Variants in NAV2 observed in about 807,000 individuals in gnomAD.
The protein encoded by NAV2 is neuron navigator 2, also known as helicase, APC down-regulated 1.
In NAV2, 54 loss-of-function variants were observed where a neutral mutation model predicts 223.2. The observed-to-expected ratio is 0.24, with a 90% CI of 0.19 to 0.30. The LOEUF is 0.30. Ranked by LOEUF, NAV2 falls within the 10% of genes least tolerant of loss-of-function variation. The pLI is 1.00. For synonymous variants in NAV2, 1,279 were observed against 1,239.3 expected (o/e 1.03, Z -0.67); for missense variants, 2,806 against 3,147.5 (o/e 0.89, Z 2.60).
At chr11:20,016,442 T>C (rs2054010587) in intron 11 of NAV2, among the ~76,000 whole-genome samples, 1 of 152,262 alleles carries the variant, frequency 6.6e-6, no homozygotes, top group Non-Finnish European at 1.5e-5. Context: ...GGAATATGTG[T>C]GCTTTTACAT....
At chr11:19,769,592 G>C (rs1396315898) in intron 1 of NAV2, among the ~76,000 whole-genome samples, 2 of 152,176 alleles carry the variant, frequency 1.3e-5, no homozygotes, top group Non-Finnish European at 2.9e-5. Flanking sequence ...TCCTGGGCTG[G>C]GTGAAGGAGG....
chr11:19,902,078 C>T (rs1477599980), intron 6 of NAV2, among the ~76,000 whole-genome samples: 2 of 152,162 alleles, frequency 1.3e-5, no homozygotes, highest in African/African-American at 4.8e-5. Context: ...GAGGAGAGCA[C>T]TGTCCTGTTC....
chr11:19,686,109 G>A (rs1033547074), intron 1 of NAV2, among the ~76,000 whole-genome samples: 3 of 151,908 alleles, frequency 2.0e-5, no homozygotes, highest in Non-Finnish European at 4.4e-5. Flanking sequence ...CCCACCCCAG[G>A]GCCTCCTCCT....
At chr11:19,580,294 G>C (rs755959485) in intron 1 of NAV2, among the ~76,000 whole-genome samples, 17 of 152,124 alleles carry the variant, frequency 1.1e-4, no homozygotes, top group Middle Eastern at 3.4e-3. Flanking sequence ...AAAGAACATG[G>C]TGCTTGGGAA....
At chr11:20,044,675 G>A (rs2057272937) in intron 13 of NAV2, among the ~76,000 whole-genome samples, 2 of 152,150 alleles carry the variant, frequency 1.3e-5, no homozygotes, top group Admixed American at 6.5e-5. Context: ...TGGACAGAGG[G>A]TGAAAGATCA....
rs192720116 is a variant in NAV2, at chr11:19,966,071, A to G, written c.2645+16991A>G. On this transcript the variant is annotated intron_variant, in intron 10 of 37. Transcript: ENST00000349880. ...CAAAGGGTACAGTGAACAATGCAGA[A>G]GCTGCCTCACCTTTTATCATCTAGC... 1.2e-4 allele frequency among the ~76,000 whole-genome samples: 19 copies of G among 152,342 alleles called. No individual in the cohort carries two copies. In the East Asian group the frequency reaches 3.7e-3, roughly 29 times the overall value.
At position 20,090,907 on chromosome 11, in the gene NAV2, G is replaced by A; in HGVS notation, c.5541G>A (p.Gln1847=). Reference sequence around the variant, plus strand: ...ATAGTGAAGCTGAGACCGTCATGCAGCTCCGAAATGAGTTAAGAGACAAGG... The same window carrying A: ...ATAGTGAAGCTGAGACCGTCATGCAACTCCGAAATGAGTTAAGAGACAAGG... ...CMDSEAETVM[Q]LRNELRDKEM... Residue 1847 remains glutamine, a synonymous_variant, in exon 27 of 38, where the codon CAG becomes CAA. Coordinates refer to ENST00000349880, the MANE Select transcript of NAV2 (RefSeq NM_145117.5). 6.2e-7 allele frequency: 1 copy of A among 1,614,006 alleles called. No individual in the cohort carries two copies. The highest frequency in any genetic ancestry group is 8.5e-7 in the Non-Finnish European group (1 of 1,179,924).
At chr11:19,610,206 C>T (rs1318849989) in intron 1 of NAV2, among the ~76,000 whole-genome samples, 1 of 152,236 alleles carries the variant, frequency 6.6e-6, no homozygotes, top group African/African-American at 2.4e-5. Flanking sequence ...AATAAATCCC[C>T]TCCTTATTTC....
intron 1 of NAV2, among the ~76,000 whole-genome samples, chr11:19,561,765 G>GT (rs1408233875): frequency 6.6e-6 from 1 of 152,166 alleles, no homozygotes; most frequent in Non-Finnish European, 1.5e-5. Flanking sequence ...CTTGCACTCT[G>GT]TTTTAACCCC....
intron 18 of NAV2, among the ~76,000 whole-genome samples, chr11:20,055,140 G>A (rs1195038943): frequency 6.6e-6 from 1 of 152,192 alleles, no homozygotes; most frequent in Non-Finnish European, 1.5e-5. Flanking sequence ...TTTAAGGATA[G>A]AGGTGGCTTG....
In NAV2 at chr11:19,897,886, T is replaced by TATATATATATATATATATATATA. The variant is rs1555129987; in HGVS notation, c.931+5292_931+5293insATATATATATATATATATATATA. Among the ~76,000 whole-genome samples the TATATATATATATATATATATATA allele has an allele frequency of 2.1e-4, 25 of 120,676 alleles. 1 individual carries two copies. Among genetic ancestry groups the TATATATATATATATATATATATA allele is most frequent in the African/African-American group, 8.4e-4 (25 of 29,678 alleles). 79.2% of individuals were successfully genotyped at this position (120,676 alleles called of 152,430 possible). A position where few individuals can be genotyped will look rare whatever the true frequency, so the allele number is the denominator to read the frequency against. On this transcript the variant is annotated intron_variant, in intron 6 of 37. Transcript: ENST00000349880. ...GCCACAGCTGTGCCTGACCTGTGAT[T>TATATATATATATATATATATATA]TATATATATATATATATATGTGAGC... is the stretch of plus-strand genomic sequence containing the variant.
chr11:19,890,512 T>A (rs2041414582), intron 5 of NAV2, among the ~76,000 whole-genome samples: 1 of 152,186 alleles, frequency 6.6e-6, no homozygotes, highest in Non-Finnish European at 1.5e-5. Flanking sequence ...TACTGTGACC[T>A]GCGTTCCCCT....
chr11:19,594,533 G>A (rs962511927), intron 1 of NAV2, among the ~76,000 whole-genome samples: 4 of 151,872 alleles, frequency 2.6e-5, no homozygotes, highest in Non-Finnish European at 4.4e-5. Context: ...GCACAGTAAC[G>A]AGTCAGGATA....
rs78791134 is a variant in NAV2, at chr11:19,564,306, C to A, written c.75+213279C>A. On this transcript the variant is annotated intron_variant, in intron 1 of 37. Transcript: ENST00000360655. ...GGATCAGCGTTTCTTCTCGAATTTT[C>A]CCCCCACTGTGGACAGGAATATCTG... Among the ~76,000 whole-genome samples the A allele has an allele frequency of 3.4e-4, 52 of 152,308 alleles. No individual in the cohort carries two copies. In the East Asian group the frequency reaches 9.1e-3, roughly 27 times the overall value.
At chr11:19,940,609 T>G (rs1186881474) in intron 8 of NAV2, among the ~76,000 whole-genome samples, 16 of 152,224 alleles carry the variant, frequency 1.1e-4, no homozygotes. Flanking sequence ...GGTTAAAAAC[T>G]GAATCCAGGC....
At chr11:19,901,787 C>A (rs934657400) in intron 6 of NAV2, among the ~76,000 whole-genome samples, 1 of 152,158 alleles carries the variant, frequency 6.6e-6, no homozygotes, top group African/African-American at 2.4e-5. Context: ...TTTCTTTTGG[C>A]TTTGTGCTAT....
chr11:19,670,843 AC>A (rs1444959543), intron 1 of NAV2, among the ~76,000 whole-genome samples: 1 of 152,174 alleles, frequency 6.6e-6, no homozygotes, highest in Non-Finnish European at 1.5e-5. Context: ...AAATAATGAC[AC>A]CCTGTCTTCC....
intron 1 of NAV2, among the ~76,000 whole-genome samples, chr11:19,372,127 A>T (rs934208723): frequency 6.6e-6 from 1 of 152,076 alleles, no homozygotes; most frequent in Non-Finnish European, 1.5e-5. Context: ...GTTGGTAAGG[A>T]ATTGGAAAAC....
intron 1 of NAV2, among the ~76,000 whole-genome samples, chr11:19,597,064 TC>T (rs1020311720): frequency 2.0e-5 from 3 of 152,232 alleles, no homozygotes; most frequent in African/African-American, 7.2e-5. Flanking sequence ...AGTTTTTCCT[TC>T]CTTCTGGATC....
Sources: gnomAD v4.1 joint callset for allele counts (sites outside exome capture counted in the v4.1 genomes callset) on GRCh38, gnomAD v4.1.1 for gene constraint, MANE v1.5 for transcripts, NCBI Gene and HGNC (gene_info 2026-07-23, HGNC 2026-07-21) for gene names.